TTLL11: variants seen among roughly 807,000 people sequenced by gnomAD.
TTLL11 encodes tubulin tyrosine ligase like 11, also known as tubulin polyglutamylase TTLL11.
A neutral mutation model predicts 51.7 loss-of-function variants in TTLL11; 42 were observed. The observed-to-expected ratio is 0.81, with a 90% CI of 0.64 to 1.05. TTLL11 has a LOEUF of 1.05. TTLL11 is among the 50% of genes least tolerant of loss of function. TTLL11 has a pLI of 0.00. For missense variants in TTLL11, 799 were observed against 940.4 expected, an observed-to-expected ratio of 0.85 and a Z score of 1.97; for synonymous variants, 381 against 383.5, an observed-to-expected ratio of 0.99 and a Z score of 0.08.
In TTLL11 at chr9:121,911,768, C is replaced by T. The variant is rs1036925359; in HGVS notation, c.1482-41020G>A. Among the ~76,000 whole-genome samples the T allele has an allele frequency of 6.6e-5, 10 of 151,934 alleles. No individual in the cohort carries two copies. In the South Asian group the frequency reaches 8.3e-4, roughly 13 times the overall value. ...GGACACGGAGGGGAACATCACACAC[C>T]GGGGTCTGTTGTGGGGGTGGGGAAC... On this transcript the variant is annotated intron_variant, in intron 6 of 8. Coordinates refer to ENST00000321582, the MANE Select transcript of TTLL11 (RefSeq NM_001139442.2).
At chr9:121,826,566 T>C (rs1229270526) in intron 8 of TTLL11, among the ~76,000 whole-genome samples, 2,499 of 115,870 alleles carry the variant, frequency 0.022, 151 homozygotes, top group African/African-American at 0.061. Flanking sequence ...TGTATATATA[T>C]ATATATATAT....
Position 121,941,510 on chromosome 9 carries a change from T to C in TTLL11, c.1481+32499A>G, listed in dbSNP as rs147463554. On this transcript the variant is annotated intron_variant, in intron 6 of 8. Coordinates refer to ENST00000321582, the MANE Select transcript of TTLL11 (RefSeq NM_001139442.2). ...TTCTTCTCCTGGAATCTATTCTTCC[T>C]GTTGCATTTCTCATGTTAATTCATT... Among the ~76,000 whole-genome samples the C allele has an allele frequency of 2.0e-5, 3 of 152,362 alleles. No individual in the cohort carries two copies. In the East Asian group the frequency reaches 5.8e-4, roughly 29 times the overall value.
intron 6 of TTLL11, among the ~76,000 whole-genome samples, chr9:121,964,457 C>G (rs1395807441): frequency 6.6e-6 from 1 of 152,060 alleles, no homozygotes; most frequent in African/African-American, 2.4e-5. Context: ...GCCACCATGC[C>G]TGGCTAATTT....
chr9:121,833,706 T>C (rs1008872167), intron 8 of TTLL11, among the ~76,000 whole-genome samples: 4 of 152,344 alleles, frequency 2.6e-5, no homozygotes, highest in Non-Finnish European at 5.9e-5. Flanking sequence ...CACACTCTTT[T>C]TTCTACATTA....
chr9:121,901,516 A>G (rs142384211), intron 6 of TTLL11, among the ~76,000 whole-genome samples: 39 of 152,208 alleles, frequency 2.6e-4, no homozygotes, highest in African/African-American at 8.4e-4. Context: ...CTGTTTTTCA[A>G]GTCACACAGA....
chr9:122,000,919 A>G (rs1564350723), intron 3 of TTLL11, among the ~76,000 whole-genome samples: 1 of 152,244 alleles, frequency 6.6e-6, no homozygotes, highest in Admixed American at 6.5e-5. Flanking sequence ...ACAGTAATAC[A>G]TAACAGTAAC....
At position 121,816,667 on chromosome 9, in the gene TTLL11, CGT is replaced by C. The variant is rs1439162244; in HGVS notation, c.*5918_*5919del. 2.0e-5 allele frequency: 3 copies of C among 149,206 alleles called. No homozygotes were observed. The highest frequency in any genetic ancestry group is 3.0e-5 in the Non-Finnish European group (2 of 67,590). The allele number at this position is 149,206 out of a possible 1,614,324, so 9.2% of individuals were successfully genotyped here. On this transcript the variant is annotated 3_prime_UTR_variant, in exon 9 of 9. Coordinates refer to ENST00000321582, the MANE Select transcript of TTLL11 (RefSeq NM_001139442.2). ...GCACATGCGTGTGTGTGCATGTGTG[CGT>C]GTGTGCATGCGTGTGCATCGTGTGT...
intron 1 of TTLL11, among the ~76,000 whole-genome samples, chr9:122,058,454 A>G (rs1461907058): frequency 1.3e-5 from 2 of 152,244 alleles, no homozygotes; most frequent in Non-Finnish European, 2.9e-5. Context: ...GGATTTAACA[A>G]TAACGTTCAT....
intron 6 of TTLL11, among the ~76,000 whole-genome samples, chr9:121,968,319 A>G (rs968584494): frequency 2.6e-5 from 4 of 152,210 alleles, no homozygotes; most frequent in Non-Finnish European, 5.9e-5. Flanking sequence ...TTCAGGAGCC[A>G]AAGGTAATTT....
intron 1 of TTLL11, among the ~76,000 whole-genome samples, chr9:122,089,724 GGTGACAGTAATAATCACAA>G (rs1223216939): frequency 3.3e-5 from 5 of 152,128 alleles, no homozygotes; most frequent in Admixed American, 2.0e-4. Flanking sequence ...AATGAGGAAG[GGTGACAGTAATAATCACAA>G]GCCTAATAGT....
chr9:122,042,673 A>C (rs58901874), intron 1 of TTLL11, among the ~76,000 whole-genome samples: 3,736 of 152,336 alleles, frequency 0.025, 140 homozygotes, highest in African/African-American at 0.086. Flanking sequence ...GAAGCAGCTG[A>C]GATGTCCTTC....
rs192090763 is a variant in TTLL11, at chr9:121,892,048, A to T, written c.1482-21300T>A. ...TAGGTTTTATATATAAATATATATT[A>T]AAAAATATAAAAAATATATAAACTA... is the stretch of plus-strand genomic sequence containing the variant. On this transcript the variant is annotated intron_variant, in intron 6 of 8. Coordinates refer to ENST00000321582, the MANE Select transcript of TTLL11 (RefSeq NM_001139442.2). Among the ~76,000 whole-genome samples the T allele has an allele frequency of 9.8e-3, 372 of 37,786 alleles. 2 individuals are homozygous for T. The highest frequency in any genetic ancestry group is 0.016 in the Non-Finnish European group (290 of 17,610). The allele number at this position is 37,786 out of a possible 152,430, so 24.8% of individuals were successfully genotyped here. A position where few individuals can be genotyped will look rare whatever the true frequency, so the allele number is the denominator to read the frequency against.
intron 1 of TTLL11, among the ~76,000 whole-genome samples, chr9:122,077,648 C>A (rs1343537149): frequency 6.6e-6 from 1 of 151,900 alleles, no homozygotes; most frequent in African/African-American, 2.4e-5. Flanking sequence ...GTTAATCTAA[C>A]ACACATATGT....
In TTLL11 at chr9:121,996,204, C is replaced by A. The variant is rs553057229; in HGVS notation, c.694-6434G>T. On this transcript the variant is annotated intron_variant, in intron 3 of 8. Coordinates refer to ENST00000321582, the MANE Select transcript of TTLL11 (RefSeq NM_001139442.2). Reference sequence around the variant, plus strand: ...CACCCTGGCAGTCTCACTTCCTGCCCTTCCCTCCTGTCCTCTCTCACCTCT... The same window carrying A: ...CACCCTGGCAGTCTCACTTCCTGCCATTCCCTCCTGTCCTCTCTCACCTCT... Among the ~76,000 whole-genome samples the A allele has an allele frequency of 4.9e-4, 75 of 152,244 alleles. No individual in the cohort carries two copies. The Middle Eastern group carries it at 0.01, about 21-fold the overall frequency.
intron 3 of TTLL11, among the ~76,000 whole-genome samples, chr9:121,994,376 G>A (rs899518943): frequency 5.9e-5 from 9 of 152,232 alleles, no homozygotes; most frequent in Admixed American, 3.9e-4. Context: ...CCACCACCAC[G>A]AATAATAATA....
rs73555663 is a variant in TTLL11 at position 121,950,821 on chromosome 9, C to T, written c.1481+23188G>A. ...TAACGACACGAGCTCTGGGATGAACCGAACCTGGCTCAAATCATGACTCTG... is the reference window on the plus strand; with the variant it reads ...TAACGACACGAGCTCTGGGATGAACTGAACCTGGCTCAAATCATGACTCTG... On this transcript the variant is annotated intron_variant, in intron 6 of 8. Coordinates refer to ENST00000321582, the MANE Select transcript of TTLL11 (RefSeq NM_001139442.2). 3.2e-3 allele frequency among the ~76,000 whole-genome samples: 485 copies of T among 152,240 alleles called. 1 individual carries two copies. The highest frequency in any genetic ancestry group is 0.024 in the Middle Eastern group (7 of 294).
chr9:122,080,381 T>C (rs1330953126), intron 1 of TTLL11, among the ~76,000 whole-genome samples: 1 of 152,106 alleles, frequency 6.6e-6, no homozygotes, highest in African/African-American at 2.4e-5. Flanking sequence ...GAAAGTTAGC[T>C]TAAGAAAGTA....
At chr9:121,836,507 T>A (rs1472985514) in intron 8 of TTLL11, among the ~76,000 whole-genome samples, 3 of 152,170 alleles carry the variant, frequency 2.0e-5, no homozygotes, top group African/African-American at 7.2e-5. Context: ...GGAGCTGAAA[T>A]GTGCAAAACC....
chr9:122,055,517 C>T (rs1243196044), intron 1 of TTLL11, among the ~76,000 whole-genome samples: 1 of 152,180 alleles, frequency 6.6e-6, no homozygotes, highest in Non-Finnish European at 1.5e-5. Flanking sequence ...GTCTGCCCTT[C>T]CCAGCCCACT....
Sources: gnomAD v4.1 joint callset for allele counts (sites outside exome capture counted in the v4.1 genomes callset) on GRCh38, gnomAD v4.1.1 for gene constraint, MANE v1.5 for transcripts, NCBI Gene and HGNC (gene_info 2026-07-23, HGNC 2026-07-21) for gene names.